Variants in SRGAP2B observed in about 807,000 individuals in gnomAD.
SRGAP2B encodes the protein SLIT-ROBO Rho GTPase activating protein 2B.
SRGAP2B carries 9 observed loss-of-function variants against 22.2 expected under a neutral mutation model. The observed-to-expected ratio is 0.41, with a 90% CI of 0.24 to 0.71. SRGAP2B has a LOEUF of 0.71. SRGAP2B is among the 30% of genes least tolerant of loss of function. SRGAP2B has a pLI of 0.35. For synonymous variants in SRGAP2B, 36 were observed against 87.4 expected (o/e 0.41, Z 3.28); for missense variants, 114 against 235.8 (o/e 0.48, Z 3.38).
chr1:144,987,225 AT>A (rs1187019070), intron 3 of SRGAP2B, among the ~76,000 whole-genome samples: 1 of 151,954 alleles, frequency 6.6e-6, no homozygotes, highest in East Asian at 1.9e-4. Context: ...GTCCCCCAAT[AT>A]TTCCCCTTCT....
chr1:144,913,913 A>G (rs1461631526), intron 5 of SRGAP2B, among the ~76,000 whole-genome samples: 1 of 149,550 alleles, frequency 6.7e-6, no homozygotes, highest in Non-Finnish European at 1.5e-5. Flanking sequence ...CATTAGCTGT[A>G]TAACTTAAGT....
chr1:144,981,187 AT>A (rs1277595300), intron 3 of SRGAP2B, among the ~76,000 whole-genome samples: 6 of 143,604 alleles, frequency 4.2e-5, no homozygotes, highest in Non-Finnish European at 7.6e-5. Context: ...AAGTAAATTC[AT>A]TTAATTGGCT....
chr1:145,068,935 GTGTGTGTGTGTGTA>G (rs1411977252), intron 2 of SRGAP2B, among the ~76,000 whole-genome samples: 30 of 146,464 alleles, frequency 2.0e-4, no homozygotes, highest in Non-Finnish European at 3.3e-4. Flanking sequence ...GTGTGTGTGT[GTGTGTGTGTGTGTA>G]TGTGTATATA....
At chr1:144,971,494 A>T (rs1209391168) in intron 3 of SRGAP2B, among the ~76,000 whole-genome samples, 1 of 150,072 alleles carries the variant, frequency 6.7e-6, no homozygotes, top group Non-Finnish European at 1.5e-5. Flanking sequence ...CACGGGCATG[A>T]CCATGGTTCA....
At chr1:144,971,549 C>T (rs1426501049) in intron 3 of SRGAP2B, among the ~76,000 whole-genome samples, 8 of 150,850 alleles carry the variant, frequency 5.3e-5, no homozygotes, top group Admixed American at 5.3e-4. Flanking sequence ...CCCGCCTCAG[C>T]CTCCCAAAGT....
intron 2 of SRGAP2B, among the ~76,000 whole-genome samples, chr1:145,022,562 G>A (rs1405278062): frequency 2.0e-5 from 3 of 146,624 alleles, no homozygotes; most frequent in African/African-American, 5.3e-5. Flanking sequence ...GTGACCAAAG[G>A]GAACATCTGA....
intron 3 of SRGAP2B, among the ~76,000 whole-genome samples, chr1:144,985,569 G>T (rs1553615811): frequency 2.0e-5 from 3 of 150,308 alleles, no homozygotes; most frequent in African/African-American, 7.4e-5. Flanking sequence ...TATTAACACA[G>T]ATTCCACTTA....
At chr1:144,939,050 GT>G (rs1289554884) in intron 4 of SRGAP2B, among the ~76,000 whole-genome samples, 5 of 67,210 alleles carry the variant, frequency 7.4e-5, no homozygotes, top group Admixed American at 1.8e-4. Flanking sequence ...GGAAATCATG[GT>G]TTTCAAGATT....
intron 3 of SRGAP2B, among the ~76,000 whole-genome samples, chr1:144,987,142 A>C (rs1387600802): frequency 6.6e-6 from 1 of 152,120 alleles, no homozygotes; most frequent in African/African-American, 2.4e-5. Context: ...CACCTGTGGC[A>C]CTCTGTATGG....
At chr1:145,015,325 C>T (rs6676306) in intron 2 of SRGAP2B, among the ~76,000 whole-genome samples, 4 of 113,768 alleles carry the variant, frequency 3.5e-5, no homozygotes, top group Middle Eastern at 3.4e-3. Context: ...GTGATCTACC[C>T]GCCTCAGCCT....
chr1:144,995,008 T>G (rs1553618184), exon 3 of SRGAP2B: 1 of 1,523,278 alleles, frequency 6.6e-7, no homozygotes, highest in Non-Finnish European at 8.8e-7. Flanking sequence ...GAGCCCCTAC[T>G]TGAATTGCTG....
intron 2 of SRGAP2B, among the ~76,000 whole-genome samples, chr1:145,001,631 A>C (rs1262929469): frequency 6.7e-6 from 1 of 148,840 alleles, no homozygotes; most frequent in African/African-American, 2.5e-5. Context: ...AGAAAAGGCC[A>C]TCAAGATACT....
intron 4 of SRGAP2B, among the ~76,000 whole-genome samples, chr1:144,931,620 AACTC>A (rs1665188899): frequency 6.6e-6 from 1 of 150,976 alleles, no homozygotes. Context: ...AGAAATCTAA[AACTC>A]AATCAGCTTT....
In SRGAP2B at chr1:144,920,453, G is replaced by T. The variant is rs1320160381; in HGVS notation, c.424-5699C>A. ...ACGCTGGTTAATTTTTGTAATTTTT[G>T]TAGAGATGGGATCTCACTGAGTTTG... On this transcript the variant is annotated intron_variant, in intron 4 of 9. Coordinates refer to ENST00000612199, the Ensembl canonical transcript of SRGAP2B. Among the ~76,000 whole-genome samples, 2 of 150,406 alleles carry T rather than the reference G, an allele frequency of 1.3e-5. 1 individual carries two copies. The highest frequency in any genetic ancestry group is 5.0e-5 in the African/African-American group (2 of 40,016).
intron 4 of SRGAP2B, among the ~76,000 whole-genome samples, chr1:144,940,735 G>A (rs587635212): frequency 5.4e-5 from 8 of 147,312 alleles, no homozygotes; most frequent in Admixed American, 4.7e-4. Context: ...CCCGGGAGGC[G>A]GAGGTTGCAG....
At chr1:144,943,645 G>GA (rs1197095629) in intron 4 of SRGAP2B, among the ~76,000 whole-genome samples, 1 of 143,274 alleles carries the variant, frequency 7.0e-6, no homozygotes, top group East Asian at 2.0e-4. Flanking sequence ...AGGAGGGAGA[G>GA]AAGGAGAGAG....
At chr1:145,068,961 ATATC>A (rs1651837810) in intron 2 of SRGAP2B, among the ~76,000 whole-genome samples, 3 of 146,284 alleles carry the variant, frequency 2.1e-5, no homozygotes, top group Non-Finnish European at 4.5e-5. Flanking sequence ...GTGTATATAT[ATATC>A]TCTCTCTCAA....
intron 3 of SRGAP2B, among the ~76,000 whole-genome samples, chr1:144,966,956 A>G (rs1668132036): frequency 7.1e-6 from 1 of 140,368 alleles, no homozygotes; most frequent in Non-Finnish European, 1.5e-5. Flanking sequence ...CTAAATATAT[A>G]TGCACCCAAT....
intron 2 of SRGAP2B, among the ~76,000 whole-genome samples, chr1:145,041,170 G>A (rs1287509601): frequency 1.8e-5 from 2 of 110,512 alleles, no homozygotes; most frequent in Non-Finnish European, 3.6e-5. Context: ...TGAGGGCAGA[G>A]ACTGTCTTAT....
Sources: allele counts gnomAD v4.1 joint callset (sites outside exome capture counted in the v4.1 genomes callset), GRCh38; gene constraint gnomAD v4.1.1; transcripts MANE v1.5; gene names NCBI Gene and HGNC (gene_info 2026-07-23, HGNC 2026-07-21).